The following ACSM6 variants were observed in gnomAD, a reference collection of about 807,000 sequenced individuals.
ACSM6 encodes acyl-CoA synthetase medium chain family member 6, also known as acyl-coenzyme A synthetase ACSM6, mitochondrial.
ACSM6 carries 35 observed loss-of-function variants against 51.1 expected under a neutral mutation model. The ratio of observed to expected loss-of-function variants is 0.69; its 90% CI spans 0.52 to 0.91. The LOEUF (loss-of-function observed/expected upper bound fraction) is 0.91. Among genes scored for constraint, ACSM6 ranks in the 40% least tolerant of loss-of-function variants. The probability of loss-of-function intolerance (pLI) is 0.00; values close to 1 mark genes in which losing one functional copy is unlikely to be tolerated. For missense variants in ACSM6, 509 were observed against 584.1 expected (o/e 0.87, Z 1.32); for synonymous variants, 172 against 207.3 (o/e 0.83, Z 1.46).
At chr10:95,202,241 T>G (rs2034802115) in intron 3 of ACSM6, 46 bp downstream of exon 3, 1 of 1,434,024 alleles carries the variant, frequency 7.0e-7, no homozygotes, top group Non-Finnish European at 9.6e-7. Flanking sequence ...CTTATGTGAA[T>G]CCCAGCCTCA....
chr10:95,214,654 G>A (rs2034925868), intron 7 of ACSM6, among the ~76,000 whole-genome samples, 198 bp from the exon 8 acceptor site: 1 of 152,182 alleles, frequency 6.6e-6, no homozygotes, highest in Admixed American at 6.5e-5. Flanking sequence ...GAGTAAATGA[G>A]AGTCTTCATG....
intron 7 of ACSM6, among the ~76,000 whole-genome samples, chr10:95,213,302 C>A (rs140666480): frequency 6.6e-6 from 1 of 151,914 alleles, no homozygotes; most frequent in African/African-American, 2.4e-5. Flanking sequence ...TGTAATTCAC[C>A]GCCAGCACTC....
chr10:95,221,711 C>T (rs1009657913), intron 9 of ACSM6, among the ~76,000 whole-genome samples: 1 of 152,078 alleles, frequency 6.6e-6, no homozygotes, highest in African/African-American at 2.4e-5. Flanking sequence ...TCAGAACATA[C>T]CAATAACTAA....
intron 8 of ACSM6, among the ~76,000 whole-genome samples, chr10:95,218,170 G>A (rs796513653): frequency 1.3e-5 from 2 of 152,290 alleles, no homozygotes; most frequent in African/African-American, 4.8e-5. Flanking sequence ...ATAAGGCAAG[G>A]TTGATACACT....
At chr10:95,225,199 G>A (rs1314647801) in intron 9 of ACSM6, 91 bp from the exon 10 acceptor site, 6 of 933,700 alleles carry the variant, frequency 6.4e-6, no homozygotes, top group Non-Finnish European at 9.9e-6. Context: ...TTAAATGGGG[G>A]TAGAAAGGCT....
intron 9 of ACSM6, among the ~76,000 whole-genome samples, chr10:95,220,242 TA>T (rs199518348): frequency 9.9e-5 from 15 of 152,116 alleles, no homozygotes; most frequent in Admixed American, 3.3e-4. Context: ...AGAAATCGAA[TA>T]AAAAAAATTG....
chr10:95,197,003 G>A (rs1301651421), intron 2 of ACSM6, among the ~76,000 whole-genome samples: 1 of 152,062 alleles, frequency 6.6e-6, no homozygotes, highest in East Asian at 1.9e-4. Flanking sequence ...TACCAGAAGT[G>A]AAATTACTCC....
At chr10:95,228,073 TA>T (rs879824551) in intron 10 of ACSM6, among the ~76,000 whole-genome samples, 603 of 140,002 alleles carry the variant, frequency 4.3e-3, no homozygotes, top group Admixed American at 5.0e-3. Flanking sequence ...CTGTTTCAAT[TA>T]AAAAAAAAAA....
chr10:95,224,657 C>T (rs573855414), intron 9 of ACSM6, among the ~76,000 whole-genome samples: 14 of 152,350 alleles, frequency 9.2e-5, no homozygotes, highest in African/African-American at 3.4e-4. Context: ...ACCTCGGCCT[C>T]CCAAAGTGCT....
intron 8 of ACSM6, among the ~76,000 whole-genome samples, chr10:95,219,239 A>T (rs2034971274): frequency 6.6e-6 from 1 of 152,228 alleles, no homozygotes; most frequent in African/African-American, 2.4e-5. Flanking sequence ...AAAGACAAAA[A>T]TAGACAAAAC....
chr10:95,201,402 G>A (rs2133373117), intron 2 of ACSM6: 2 of 441,062 alleles, frequency 4.5e-6, no homozygotes, highest in Non-Finnish European at 9.1e-6. Context: ...GTGAAAACAG[G>A]CAGTATTTGA....
At position 95,210,797 on chromosome 10, in the gene ACSM6, C is replaced by T. The variant is rs773402299; in HGVS notation, c.755+4C>T. On this transcript the variant is annotated splice_donor_region_variant and intron_variant, in intron 5 of 10. Transcript: ENST00000341686. ...TGGGATTCAGCCAGGCTTCCAGGTA[C>T]GGTTCTCGCACAGCCTGTACAGGCC... is the stretch of plus-strand genomic sequence containing the variant. The T allele has an allele frequency of 4.9e-5, 79 of 1,612,924 alleles. No homozygotes were observed. The East Asian group carries it at 6.5e-4, about 13-fold the overall frequency.
chr10:95,216,595 A>G (rs2034947362), intron 8 of ACSM6, among the ~76,000 whole-genome samples: 1 of 152,190 alleles, frequency 6.6e-6, no homozygotes, highest in Admixed American at 6.5e-5. Flanking sequence ...TGTAAATGGC[A>G]TGAATCTCAA....
Position 95,211,934 on chromosome 10 carries a change from G to A in ACSM6, c.812G>A (p.Gly271Asp), listed in dbSNP as rs1358496609. 6 of 1,613,764 alleles carry A rather than the reference G, an allele frequency of 3.7e-6. No individual in the cohort carries two copies. The African/African-American group carries it at 8.0e-5, about 22-fold the overall frequency. Residue 271 changes from glycine to aspartate, a missense_variant, in exon 6 of 11, where the codon GGT becomes GAT. Coordinates refer to ENST00000341686, the Ensembl canonical transcript of ACSM6. ...TTGTGGAGTCTGGGTGATGCCTTTGGTGGATCTTTATCCCTGAGCGCTGTC... is the reference window on the plus strand; with the variant it reads ...TTGTGGAGTCTGGGTGATGCCTTTGATGGATCTTTATCCCTGAGCGCTGTC...
chr10:95,203,479 C>G (rs2034813791), intron 3 of ACSM6, among the ~76,000 whole-genome samples: 1 of 152,092 alleles, frequency 6.6e-6, no homozygotes, highest in East Asian at 1.9e-4. Context: ...AGGTTGGGGA[C>G]CACTGCTCTT....
intron 8 of ACSM6, among the ~76,000 whole-genome samples, chr10:95,219,601 T>C (rs1450688915): frequency 5.9e-5 from 9 of 152,206 alleles, no homozygotes; most frequent in African/African-American, 2.2e-4. Flanking sequence ...TTTCCTTGAA[T>C]TTGTTATTTT....
intron 3 of ACSM6, among the ~76,000 whole-genome samples, chr10:95,204,414 C>A (rs760470185): frequency 6.6e-6 from 1 of 151,980 alleles, no homozygotes; most frequent in Non-Finnish European, 1.5e-5. Context: ...ATTAGCCAGA[C>A]GTGATGGTGG....
At chr10:95,218,242 G>A (rs1213375843) in intron 8 of ACSM6, among the ~76,000 whole-genome samples, 2 of 152,198 alleles carry the variant, frequency 1.3e-5, no homozygotes, top group African/African-American at 4.8e-5. Context: ...CACACAACCT[G>A]CATGGGAGAA....
At chr10:95,207,761 A>G (rs1564588252) in intron 4 of ACSM6, among the ~76,000 whole-genome samples, 1 of 144,814 alleles carries the variant, frequency 6.9e-6, no homozygotes, top group Non-Finnish European at 1.5e-5. Flanking sequence ...TACAAAAAAC[A>G]TAACAAAAAA....
Sources: gnomAD v4.1 joint callset for allele counts (sites outside exome capture counted in the v4.1 genomes callset) on GRCh38, gnomAD v4.1.1 for gene constraint, MANE v1.5 for transcripts, NCBI Gene and HGNC (gene_info 2026-07-23, HGNC 2026-07-21) for gene names.